Variants in EFNB2 observed in about 807,000 individuals in gnomAD.
EFNB2 encodes ephrin B2.
In EFNB2, 5 loss-of-function variants were observed where a neutral mutation model predicts 32.1. The ratio of observed to expected loss-of-function variants is 0.16; its 90% confidence interval spans 0.08 to 0.33. The LOEUF (loss-of-function observed/expected upper bound fraction) is 0.33. EFNB2 is among the 10% of genes least tolerant of loss of function. The pLI, the probability that EFNB2 is intolerant of heterozygous loss-of-function variation, is 1.00. For missense variants in EFNB2, 263 were observed against 422.6 expected (o/e 0.62, Z 3.31); for synonymous variants, 168 against 166.5 (o/e 1.01, Z -0.07).
intron 1 of EFNB2, among the ~76,000 whole-genome samples, chr13:106,527,524 CTA>C (rs1879740980): frequency 6.6e-6 from 1 of 152,138 alleles, no homozygotes; most frequent in Admixed American, 6.6e-5. Flanking sequence ...CTTTCCCTTG[CTA>C]TGTTTTCTTA....
chr13:106,505,427 C>T (rs967075648), intron 2 of EFNB2, among the ~76,000 whole-genome samples: 2 of 152,144 alleles, frequency 1.3e-5, no homozygotes, highest in African/African-American at 2.4e-5. Context: ...TAAGTTTCAG[C>T]TTTCTCACAG....
chr13:106,513,137 G>A (rs111883885), intron 1 of EFNB2, among the ~76,000 whole-genome samples: 2,497 of 152,056 alleles, frequency 0.016, 23 homozygotes, highest in African/African-American at 0.025. Flanking sequence ...CTCTTCCTCC[G>A]TGGTGAGTCA....
chr13:106,511,555 T>C (rs1178577788), intron 2 of EFNB2, among the ~76,000 whole-genome samples: 2 of 152,164 alleles, frequency 1.3e-5, no homozygotes, highest in African/African-American at 4.8e-5. Context: ...ACCAAGAGTC[T>C]CCTACCTAAA....
At position 106,512,662 on chromosome 13, in the gene EFNB2, A is replaced by G; in HGVS notation, c.273T>C (p.Ile91=). The G allele has an allele frequency of 6.2e-7, 1 of 1,613,944 alleles. No individual in the cohort carries two copies. Among genetic ancestry groups the G allele is most frequent in the Non-Finnish European group, 8.5e-7 (1 of 1,179,954 alleles). Reference sequence around the variant, plus strand: ...TGAGGAGAGGGGTATTTTCCTTCTTAATAGTGCATCTGTCTGCTTGGTCTT... The same window carrying G: ...TGAGGAGAGGGGTATTTTCCTTCTTGATAGTGCATCTGTCTGCTTGGTCTT... The part of the protein sequence containing the change: ...VDKDQADRCT[I]KKENTPLLNC... The change falls in exon 2 of 5, where the codon ATT becomes ATC. Residue 91 remains isoleucine (I), a synonymous_variant. Coordinates refer to ENST00000646441, the MANE Select transcript of EFNB2 (RefSeq NM_004093.4).
chr13:106,528,305 C>T (rs1206899244), intron 1 of EFNB2, among the ~76,000 whole-genome samples: 1 of 152,050 alleles, frequency 6.6e-6, no homozygotes, highest in Non-Finnish European at 1.5e-5. Flanking sequence ...ACGAGAAAAA[C>T]AGTCAACAAG....
chr13:106,534,705 C>A, intron 1 of EFNB2, 138 bp downstream of exon 1: 2 of 873,286 alleles, frequency 2.3e-6, no homozygotes, highest in Non-Finnish European at 3.2e-6. Context: ...TGAAATGGGG[C>A]GGGGGTTGGG....
At chr13:106,527,385 T>C (rs1201033080) in intron 1 of EFNB2, among the ~76,000 whole-genome samples, 1 of 152,164 alleles carries the variant, frequency 6.6e-6, no homozygotes, top group African/African-American at 2.4e-5. Flanking sequence ...CACAGAGTAG[T>C]TTGAACGCTT....
At chr13:106,525,559 T>C (rs1211801546) in intron 1 of EFNB2, among the ~76,000 whole-genome samples, 1 of 152,216 alleles carries the variant, frequency 6.6e-6, no homozygotes, top group Non-Finnish European at 1.5e-5. Flanking sequence ...ATACTGTTTC[T>C]TTGGCTTGCT....
intron 4 of EFNB2, among the ~76,000 whole-genome samples, chr13:106,494,297 T>A (rs1430437630): frequency 6.6e-6 from 1 of 152,200 alleles, no homozygotes; most frequent in African/African-American, 2.4e-5. Flanking sequence ...AATACAGAAC[T>A]ATTTGTTCCA....
intron 2 of EFNB2, among the ~76,000 whole-genome samples, chr13:106,499,271 T>TAA (rs3215767): frequency 4.2e-4 from 62 of 148,156 alleles, no homozygotes; most frequent in East Asian, 1.0e-3. Flanking sequence ...GTGACACAGC[T>TAA]AAAAAAAAAA....
At chr13:106,526,014 C>A (rs1030453412) in intron 1 of EFNB2, among the ~76,000 whole-genome samples, 1 of 148,374 alleles carries the variant, frequency 6.7e-6, no homozygotes, top group Non-Finnish European at 1.5e-5. Context: ...CAGCATGGCC[C>A]TGAGGCAGCA....
rs886807547 is a variant in EFNB2 at position 106,522,111 on chromosome 13, G to A, written c.123-9299C>T. Among the ~76,000 whole-genome samples the A allele has an allele frequency of 7.2e-5, 11 of 152,108 alleles. No homozygotes were observed. The South Asian group carries it at 2.3e-3, about 32-fold the overall frequency. ...AATCAGCCTATGAATTTTGTAGCTA[G>A]ATAAGAAAAAATGTGGAGATTTGAA... On this transcript the variant is annotated intron_variant, in intron 1 of 4. Transcript: ENST00000646441.
Position 106,512,734 on chromosome 13 carries a change from A to T in EFNB2, c.201T>A (p.Ser67=), listed in dbSNP as rs763056187. 70 of 1,613,716 alleles carry T rather than the reference A, an allele frequency of 4.3e-5. No homozygotes were observed. Among genetic ancestry groups the T allele is most frequent in the Non-Finnish European group, 5.5e-5 (65 of 1,179,868 alleles). Reference sequence around the variant, plus strand: ...AATATTCATACTGGCCAACAGTTTTAGAGTCCACTTTGGGGCAAATAATAT... The same window carrying T: ...AATATTCATACTGGCCAACAGTTTTTGAGTCCACTTTGGGGCAAATAATAT... The part of the protein sequence containing the change: ...KLDIICPKVD[S]KTVGQYEYYK... Residue 67 remains serine, a synonymous_variant, in exon 2 of 5, where the codon TCT becomes TCA. Transcript: ENST00000646441.
intron 2 of EFNB2, among the ~76,000 whole-genome samples, chr13:106,509,111 T>C (rs1879052384): frequency 6.6e-6 from 1 of 152,064 alleles, no homozygotes; most frequent in Admixed American, 6.6e-5. Context: ...ACTAAAAGCG[T>C]TTTTTAGGGA....
chr13:106,493,285 G>T lies in EFNB2; in HGVS notation c.757C>A (p.Arg253=). ...ITLVVLLLKY[R]RRHRKHSPQH... is the part of the protein sequence containing the mutation. Reference sequence around the variant, plus strand: ...GGCGAGTGCTTCCTGTGTCTCCTCCGGTACTTCAGCAAGAGGACCACCAGC... The same window carrying T: ...GGCGAGTGCTTCCTGTGTCTCCTCCTGTACTTCAGCAAGAGGACCACCAGC... Residue 253 remains arginine (R), a synonymous_variant, in exon 5 of 5, where the codon CGG becomes AGG. Transcript: ENST00000646441. This position sits in a 1 kb window ranked among gnomAD's most constrained non-coding sequence, Gnocchi z 6.1. 6.2e-7 allele frequency: 1 copy of T among 1,614,106 alleles called. No homozygotes were observed. The highest frequency in any genetic ancestry group is 8.5e-7 in the Non-Finnish European group (1 of 1,180,016).
intron 2 of EFNB2, 73 bp from the exon 3 acceptor site, chr13:106,495,913 A>G: frequency 7.3e-7 from 1 of 1,378,776 alleles, no homozygotes; most frequent in East Asian, 2.3e-5. Flanking sequence ...AGTTTACATG[A>G]ACATGAAATG....
At position 106,492,707 on chromosome 13, in the gene EFNB2, C is replaced by A. The variant is rs1878448968; in HGVS notation, c.*333G>T. The A allele has an allele frequency of 4.3e-6, 1 of 232,476 alleles. No individual in the cohort carries two copies. The highest frequency in any genetic ancestry group is 8.5e-6 in the Non-Finnish European group (1 of 117,124). The allele number at this position is 232,476 out of a possible 1,614,324, so 14.4% of individuals were successfully genotyped here. ...GCCAGGATGCTCACAGCCCTCTCGT[C>A]CACAAACCACTGTCTTCCCTTGGCT... On this transcript the variant is annotated 3_prime_UTR_variant, in exon 5 of 5. Transcript: ENST00000646441. This position sits in a 1 kb window ranked among gnomAD's most constrained non-coding sequence, Gnocchi z 5.1.
At position 106,493,251 on chromosome 13, in the gene EFNB2, G is replaced by A. The variant is rs765521052; in HGVS notation, c.791C>T (p.Thr264Met). The change falls in exon 5 of 5, where the codon ACG (threonine) becomes ATG (methionine). Residue 264 changes from threonine to methionine, a missense_variant. Thr to Met is a moderately conservative substitution (Grantham distance 81, BLOSUM62 -1). Around this residue, in one of 3 missense-constraint regions of EFNB2, gnomAD observed 172 missense variants for 237.1 expected, o/e 0.73. Transcript: ENST00000646441. This position sits in a 1 kb window ranked among gnomAD's most constrained non-coding sequence, Gnocchi z 6.1. ...CAGTGTGCTGAGCGACAGCGTGGTC[G>A]TGTGCTGCGGCGAGTGCTTCCTGTG... ...RRHRKHSPQH[T>M]TTLSLSTLAT... The A allele has an allele frequency of 8.1e-6, 13 of 1,614,068 alleles. No individual in the cohort carries two copies. The highest frequency in any genetic ancestry group is 6.7e-5 in the East Asian group (3 of 44,886).
At chr13:106,527,716 G>C (rs569081571) in intron 1 of EFNB2, among the ~76,000 whole-genome samples, 1 of 152,156 alleles carries the variant, frequency 6.6e-6, no homozygotes, top group Non-Finnish European at 1.5e-5. Flanking sequence ...TTTTATAACT[G>C]GTCACCTACT....
Sources: allele counts gnomAD v4.1 joint callset (sites outside exome capture counted in the v4.1 genomes callset), GRCh38; gene constraint gnomAD v4.1.1; regional missense constraint gnomAD v4.1.1; non-coding constraint Gnocchi (gnomAD v3.1); transcripts MANE v1.5; gene names NCBI Gene and HGNC (gene_info 2026-07-23, HGNC 2026-07-21).